ABCA9: variants seen among roughly 807,000 people sequenced by gnomAD.
ABCA9 encodes ATP binding cassette subfamily A member 9, also known as ATP-binding cassette sub-family A member 9.
Under a neutral mutation model 205.3 loss-of-function variants are expected in ABCA9, and 183 were observed. That is an observed-to-expected ratio of 0.89 (90% CI 0.79 to 1.01). The LOEUF (loss-of-function observed/expected upper bound fraction) is 1.01. Ranked by LOEUF, ABCA9 falls within the 50% of genes least tolerant of loss-of-function variation. ABCA9 has a pLI of 0.00. For missense variants in ABCA9, 1,805 were observed against 1,912.4 expected (o/e 0.94, Z 1.05); for synonymous variants, 651 against 683.3 (o/e 0.95, Z 0.74).
intron 37 of ABCA9, among the ~76,000 whole-genome samples, chr17:68,979,772 C>A (rs1032522764): frequency 1.3e-5 from 2 of 152,136 alleles, no homozygotes; most frequent in Admixed American, 1.3e-4. Flanking sequence ...ACACCTTATA[C>A]AAAAATTAAT....
At position 68,992,426 on chromosome 17, in the gene ABCA9, A is replaced by C. The variant is rs546995695; in HGVS notation, c.3625-160T>G. ...CCTGTAATATTCTTTGAAACTGTCA[A>C]AGTTAGCCTCACTGCTATTCAGAGA... On this transcript the variant is annotated intron_variant, in intron 27 of 38. Transcript: ENST00000340001. The C allele has an allele frequency of 1.6e-4, 81 of 499,760 alleles. No individual in the cohort carries two copies. In the Admixed American group the frequency reaches 2.5e-3, roughly 15 times the overall value. 31.0% of individuals were successfully genotyped at this position (499,760 alleles called of 1,614,324 possible).
rs2069261549 is a variant in ABCA9 at position 68,987,065 on chromosome 17, G to GCATATA, written c.4048-742_4048-741insTATATG. Among the ~76,000 whole-genome samples the GCATATA allele has an allele frequency of 1.2e-4, 18 of 152,268 alleles. 1 individual carries two copies. The South Asian group carries it at 3.7e-3, about 32-fold the overall frequency. ...CTAATGTGTCCTCAGTGCTTCCTAT[G>GCATATA]TGCCAGAATCTAAGCATATAATATA... On this transcript the variant is annotated intron_variant, in intron 31 of 38. Transcript: ENST00000340001.
At chr17:69,000,240 T>C (rs974021481) in intron 25 of ABCA9, among the ~76,000 whole-genome samples, 134 of 152,104 alleles carry the variant, frequency 8.8e-4, no homozygotes, top group Middle Eastern at 3.4e-3. Context: ...GGTTTTCTTC[T>C]AGGGTTTTTA....
At chr17:69,029,284 A>G in intron 10 of ABCA9, 57 bp from the exon 11 acceptor site, 1 of 1,120,430 alleles carries the variant, frequency 8.9e-7, no homozygotes. Context: ...GAGGATTGAT[A>G]AGTCAAGTCT....
At chr17:69,061,015 T>A, upstream of ABCA9, 1 of 985,446 alleles carries the variant, frequency 1.0e-6, no homozygotes, top group East Asian at 1.1e-4. Context: ...TTATACAAAT[T>A]TCCCAGGAGA....
the ABCA9 span, among the ~76,000 whole-genome samples, chr17:69,074,999 G>T: frequency 6.6e-6 from 1 of 152,086 alleles, no homozygotes; most frequent in Non-Finnish European, 1.5e-5. Flanking sequence ...CTGATGATTA[G>T]CAATGTTGAG....
chr17:69,058,874 C>T (rs1439167821), intron 1 of ABCA9, among the ~76,000 whole-genome samples: 1 of 151,418 alleles, frequency 6.6e-6, no homozygotes, highest in East Asian at 1.9e-4. Flanking sequence ...CTGAGTAATT[C>T]ATAAAGGAAA....
intron 16 of ABCA9, among the ~76,000 whole-genome samples, chr17:69,025,055 G>A (rs955640883): frequency 6.6e-6 from 1 of 152,048 alleles, no homozygotes; most frequent in Non-Finnish European, 1.5e-5. Context: ...TACTTACAAG[G>A]TATAGTACTT....
intron 31 of ABCA9, among the ~76,000 whole-genome samples, chr17:68,987,598 C>T (rs528176422): frequency 9.9e-5 from 15 of 152,240 alleles, no homozygotes; most frequent in Admixed American, 2.0e-4. Context: ...GATCCCACAG[C>T]GAGAAGGTGC....
At chr17:69,024,165 G>C (rs772596315) in intron 17 of ABCA9, 49 bp downstream of exon 17, 1 of 1,581,850 alleles carries the variant, frequency 6.3e-7, no homozygotes, top group Admixed American at 1.7e-5. Context: ...CACTGTTATT[G>C]TTAATAACAC....
At chr17:68,980,260 G>T (rs1313926482) in intron 37 of ABCA9, among the ~76,000 whole-genome samples, 17 of 152,056 alleles carry the variant, frequency 1.1e-4, no homozygotes, top group Non-Finnish European at 7.4e-5. Flanking sequence ...AGTTAGAATG[G>T]CGATCATTAA....
intron 22 of ABCA9, 69 bp downstream of exon 22, chr17:69,016,184 T>A: frequency 8.1e-7 from 1 of 1,235,100 alleles, no homozygotes; most frequent in Non-Finnish European, 1.1e-6. Flanking sequence ...ATAACATTAT[T>A]TTAGCATTTC....
chr17:69,003,638 G>T (rs1297697923), intron 25 of ABCA9, among the ~76,000 whole-genome samples: 1 of 148,108 alleles, frequency 6.8e-6, no homozygotes, highest in African/African-American at 2.5e-5. Flanking sequence ...GGCGTTCTCT[G>T]TATTTCCTGA....
At chr17:69,009,954 A>C (rs1300436565) in intron 23 of ABCA9, among the ~76,000 whole-genome samples, 1 of 152,210 alleles carries the variant, frequency 6.6e-6, no homozygotes, top group Non-Finnish European at 1.5e-5. Flanking sequence ...ATACTAAAAA[A>C]ATTCATTGTT....
chr17:69,045,448 G>T, intron 3 of ABCA9, 112 bp from the exon 4 acceptor site: 1 of 390,730 alleles, frequency 2.6e-6, no homozygotes, highest in Non-Finnish European at 3.4e-6. Context: ...TAAAGGCAGT[G>T]CTGGGCCTAA....
At chr17:69,021,684 C>T (rs1598383555) in intron 18 of ABCA9, 58 bp downstream of exon 18, 6 of 1,036,978 alleles carry the variant, frequency 5.8e-6, no homozygotes, top group East Asian at 5.2e-5. Context: ...TTTCGTCCTT[C>T]CTTCCTTCCT....
chr17:68,980,385 C>T (rs1214588572), intron 37 of ABCA9, among the ~76,000 whole-genome samples: 3 of 152,040 alleles, frequency 2.0e-5, no homozygotes, highest in Non-Finnish European at 4.4e-5. Context: ...GGTGATTCCT[C>T]AGTGATCTTG....
chr17:69,037,470 G>C (rs530583103), intron 6 of ABCA9, among the ~76,000 whole-genome samples: 3 of 152,240 alleles, frequency 2.0e-5, no homozygotes, highest in African/African-American at 7.2e-5. Flanking sequence ...TGACTACTGG[G>C]TAAATAACAA....
intron 25 of ABCA9, among the ~76,000 whole-genome samples, chr17:68,997,971 T>C (rs994634236): frequency 1.3e-5 from 2 of 152,222 alleles, no homozygotes; most frequent in Admixed American, 6.5e-5. Flanking sequence ...CTGGCAACCA[T>C]TGATCTTTTC....
Sources: gnomAD v4.1 joint callset for allele counts (sites outside exome capture counted in the v4.1 genomes callset) on GRCh38, gnomAD v4.1.1 for gene constraint, MANE v1.5 for transcripts, NCBI Gene and HGNC (gene_info 2026-07-23, HGNC 2026-07-21) for gene names.